Variants in COX4I1 observed in about 807,000 individuals in gnomAD.
COX4I1 encodes cytochrome c oxidase subunit 4I1.
COX4I1 carries 18 observed loss-of-function variants against 21.7 expected under a neutral mutation model. That is an observed-to-expected ratio of 0.83 (90% CI 0.57 to 1.23). COX4I1 has a LOEUF of 1.23. COX4I1 is among the 50% of genes most tolerant of loss of function. COX4I1 has a pLI of 0.00. For missense variants in COX4I1, 238 were observed against 220.7 expected, an observed-to-expected ratio of 1.08 and a Z score of -0.50; for synonymous variants, 100 against 81.5, an observed-to-expected ratio of 1.23 and a Z score of -1.23.
At position 85,805,780 on chromosome 16, in the gene COX4I1, T is replaced by C. The variant is rs562155866; in HGVS notation, c.289T>C (p.Ser97Pro). 6.2e-7 allele frequency: 1 copy of C among 1,614,242 alleles called. No homozygotes were observed. The highest frequency in any genetic ancestry group is 1.1e-5 in the South Asian group (1 of 91,084). The change falls in exon 4 of 5, where the codon TCG becomes CCG. Residue 97 changes from serine to proline, a missense_variant. Transcript: ENST00000253452. The part of the protein sequence containing the change: ...KESFAEMNRG[S>P]NEWKTVVGGA... ...GAGCTTTGCTGAGATGAACAGGGGCTCGAACGAGTGGAAGACGGTTGTGGG... is the reference window on the plus strand; with the variant it reads ...GAGCTTTGCTGAGATGAACAGGGGCCCGAACGAGTGGAAGACGGTTGTGGG...
Position 85,807,028 on chromosome 16 carries a change from TA to T in COX4I1, c.*155del. 1.4e-6 allele frequency: 1 copy of T among 727,924 alleles called. No homozygotes were observed. The highest frequency in any genetic ancestry group is 1.9e-5 in the South Asian group (1 of 51,890). 45.1% of individuals were successfully genotyped at this position (727,924 alleles called of 1,614,324 possible). ...CCCTTTGTGATCAGTTCTTTAATGA[TA>T]CCTAAATGAAAGCTAATTAAAACAA... On this transcript the variant is annotated 3_prime_UTR_variant, in exon 5 of 5. Coordinates refer to ENST00000253452, the MANE Select transcript of COX4I1 (RefSeq NM_001861.6).
rs1182331708 is a variant in COX4I1, at chr16:85,799,789, C to CGGGCCGGGTCGGG, written c.-2+46_-2+58dup. On this transcript the variant is annotated intron_variant, in intron 1 of 4. Coordinates refer to ENST00000253452, the MANE Select transcript of COX4I1 (RefSeq NM_001861.6). This position sits in a 1 kb window ranked among gnomAD's most constrained non-coding sequence, Gnocchi z 4.2. ...GGTGGCCGGTGCGGCGCCGCCAGGC[C>CGGGCCGGGTCGGG]GGGCCGGGTCGGGGGGCCGGGAGCC... The CGGGCCGGGTCGGG allele has an allele frequency of 6.5e-6, 1 of 153,162 alleles. No homozygotes were observed. The highest frequency in any genetic ancestry group is 6.5e-5 in the Admixed American group (1 of 15,304). The allele number at this position is 153,162 out of a possible 1,614,324, so 9.5% of individuals were successfully genotyped here.
Position 85,806,883 on chromosome 16 carries a change from G to A in COX4I1, c.*9G>A. On this transcript the variant is annotated 3_prime_UTR_variant, in exon 5 of 5. Transcript: ENST00000253452. ...ACGAGTGGAAGAAGTGAGAGATGCTGGCCTGCGCCTGCACCTGCGCCTGGC... is the reference window on the plus strand; with the variant it reads ...ACGAGTGGAAGAAGTGAGAGATGCTAGCCTGCGCCTGCACCTGCGCCTGGC... 1.9e-6 allele frequency: 3 copies of A among 1,609,908 alleles called. No homozygotes were observed. The highest frequency in any genetic ancestry group is 2.5e-6 in the Non-Finnish European group (3 of 1,177,446).
At position 85,807,068 on chromosome 16, in the gene COX4I1, A is replaced by C. The variant is rs1597221106; in HGVS notation, c.*194A>C. On this transcript the variant is annotated 3_prime_UTR_variant, in exon 5 of 5. Transcript: ENST00000253452. ...TAATTAAAACAATAGGTTTCTCCCA[A>C]GGGTCTGGAGTAAATATATTTTGGG... 8.4e-6 allele frequency: 5 copies of C among 593,680 alleles called. No homozygotes were observed. The East Asian group carries it at 1.5e-4, about 18-fold the overall frequency. 36.8% of individuals were successfully genotyped at this position (593,680 alleles called of 1,614,324 possible).
In COX4I1 at chr16:85,805,342, C is replaced by G. The variant is rs1312561354; in HGVS notation, c.241+238C>G. 2.6e-5 allele frequency: 14 copies of G among 541,038 alleles called. No homozygotes were observed. The East Asian group carries it at 2.8e-4, about 11-fold the overall frequency. 33.5% of individuals were successfully genotyped at this position (541,038 alleles called of 1,614,324 possible). ...CTTCTCTGTGCTGAGTGGAGGTAGC[C>G]TCTCAGCATATCTGCTGGGTAAGAC... is the stretch of plus-strand genomic sequence containing the variant. On this transcript the variant is annotated intron_variant, in intron 3 of 4. Transcript: ENST00000253452.
Position 85,805,013 on chromosome 16 carries a change from C to T in COX4I1, c.150C>T (p.Ala50=). The part of the protein sequence containing the change: ...DRRDHPLPEV[A]HVKHLSASQK... ...GTGACCACCCCTTGCCGGAGGTGGC[C>T]CATGTCAAGCACCTGTCTGCCAGCC... Residue 50 remains alanine (A), a synonymous_variant, in exon 3 of 5, where the codon GCC becomes GCT. Transcript: ENST00000253452. The T allele has an allele frequency of 6.2e-7, 1 of 1,614,118 alleles. No homozygotes were observed. The highest frequency in any genetic ancestry group is 1.1e-5 in the South Asian group (1 of 91,088).
At chr16:85,806,059 C>T (rs1234435262) in intron 4 of COX4I1, 195 bp downstream of exon 4, 10 of 708,632 alleles carry the variant, frequency 1.4e-5, no homozygotes, top group South Asian at 1.1e-4. Context: ...TATAAGCCAG[C>T]ATCTGATTAT....
chr16:85,806,982 A>C lies in COX4I1; in HGVS notation c.*108A>C. 1 of 1,213,738 alleles carries C rather than the reference A, an allele frequency of 8.2e-7. No individual in the cohort carries two copies. Among genetic ancestry groups the C allele is most frequent in the Admixed American group, 2.3e-5 (1 of 43,154 alleles). The allele number at this position is 1,213,738 out of a possible 1,614,324, so 75.2% of individuals were successfully genotyped here. On this transcript the variant is annotated 3_prime_UTR_variant, in exon 5 of 5. Transcript: ENST00000253452. ...GCCAAACAGTTGTACCACTGCTAAT[A>C]AATGACCAGTTTACCTGAAACCCTT... is the stretch of plus-strand genomic sequence containing the variant.
chr16:85,800,290 A>G (rs956598888), intron 1 of COX4I1, among the ~76,000 whole-genome samples: 1 of 152,178 alleles, frequency 6.6e-6, no homozygotes, highest in East Asian at 1.9e-4. Context: ...CACTCTCACC[A>G]GTCCTCCGAA....
In COX4I1 at chr16:85,805,719, C is replaced by G; in HGVS notation, c.242-14C>G. 6.2e-7 allele frequency: 1 copy of G among 1,613,490 alleles called. No homozygotes were observed. Among genetic ancestry groups the G allele is most frequent in the Non-Finnish European group, 8.5e-7 (1 of 1,179,406 alleles). ...ACCTTTGTGCCTGTAAATGGCTGTC[C>G]TCTCTGCCCCCAGTGTATCGCATTA... On this transcript the variant is annotated splice_polypyrimidine_tract_variant and intron_variant, in intron 3 of 4. Transcript: ENST00000253452.
At chr16:85,801,093 G>C (rs1905706019) in intron 1 of COX4I1, 112 bp from the exon 2 acceptor site, 2 of 764,568 alleles carry the variant, frequency 2.6e-6, no homozygotes. Flanking sequence ...TGGATCATTT[G>C]CGTTGGGGAG....
intron 2 of COX4I1, chr16:85,804,635 T>C (rs1471658590): frequency 4.3e-6 from 1 of 231,526 alleles, no homozygotes; most frequent in Non-Finnish European, 8.7e-6. Context: ...GGATTACAGG[T>C]GTGAGCCACC....
At chr16:85,802,685 C>A (rs2733955) in intron 2 of COX4I1, among the ~76,000 whole-genome samples, 1 of 152,072 alleles carries the variant, frequency 6.6e-6, no homozygotes, top group African/African-American at 2.4e-5. Flanking sequence ...AACAGAAATC[C>A]GTCCATGTTG....
chr16:85,806,483 C>T (rs1906210925), intron 4 of COX4I1: 1 of 707,026 alleles, frequency 1.4e-6, no homozygotes, highest in Non-Finnish European at 2.6e-6. Flanking sequence ...TTGTCAGATC[C>T]TGTTATCCAT....
intron 4 of COX4I1, chr16:85,806,370 TGCA>T: frequency 1.5e-6 from 1 of 670,448 alleles, no homozygotes; most frequent in Non-Finnish European, 2.7e-6. Context: ...CAGGCATTTT[TGCA>T]TTCTGAATAG....
rs1244853693 is a variant in COX4I1 at position 85,803,551 on chromosome 16, G to A, written c.74-1386G>A. On this transcript the variant is annotated intron_variant, in intron 2 of 4. Coordinates refer to ENST00000253452, the MANE Select transcript of COX4I1 (RefSeq NM_001861.6). Reference sequence around the variant, plus strand: ...GAGAAACAGCTTCTAACAGTGGGAAGACTCTCAGTACAACCAAGCTATTCC... The same window carrying A: ...GAGAAACAGCTTCTAACAGTGGGAAAACTCTCAGTACAACCAAGCTATTCC... 3 of 152,326 alleles carry A rather than the reference G, an allele frequency of 2.0e-5. No individual in the cohort carries two copies. The East Asian group carries it at 5.8e-4, about 29-fold the overall frequency. 9.4% of individuals were successfully genotyped at this position (152,326 alleles called of 1,614,324 possible).
Position 85,807,058 on chromosome 16 carries a change from GT to G in COX4I1, c.*187del. ...AAATGAAAGCTAATTAAAACAATAGGTTTCTCCCAAGGGTCTGGAGTAAATA... is the reference window on the plus strand; with the variant it reads ...AAATGAAAGCTAATTAAAACAATAGGTTCTCCCAAGGGTCTGGAGTAAATA... On this transcript the variant is annotated 3_prime_UTR_variant, in exon 5 of 5. Transcript: ENST00000253452. The G allele has an allele frequency of 1.5e-6, 1 of 647,118 alleles. No individual in the cohort carries two copies. The highest frequency in any genetic ancestry group is 2.1e-5 in the South Asian group (1 of 47,940). 40.1% of individuals were successfully genotyped at this position (647,118 alleles called of 1,614,324 possible).
chr16:85,806,708 T>G, intron 4 of COX4I1, 30 bp from the exon 5 acceptor site: 1 of 1,613,958 alleles, frequency 6.2e-7, no homozygotes, highest in Non-Finnish European at 8.5e-7. Flanking sequence ...GTTGAGATAG[T>G]CTTGCCCCAT....
rs1906141910 is a variant in COX4I1, at chr16:85,805,773, CA to C, written c.283del (p.Arg95GlyfsTer54). 6.2e-7 allele frequency: 1 copy of C among 1,614,114 alleles called. No homozygotes were observed. Among genetic ancestry groups the C allele is most frequent in the Non-Finnish European group, 8.5e-7 (1 of 1,180,054 alleles). On this transcript the variant is annotated frameshift_variant, in exon 4 of 5. Coordinates refer to ENST00000253452, the MANE Select transcript of COX4I1 (RefSeq NM_001861.6). LOFTEE classifies it high-confidence loss of function. ...TCAAGGAGAGCTTTGCTGAGATGAACAGGGGCTCGAACGAGTGGAAGACGGT... is the reference window on the plus strand; with the variant it reads ...TCAAGGAGAGCTTTGCTGAGATGAACGGGGCTCGAACGAGTGGAAGACGGT... ...KFKESFAEMN[R>X]GSNEWKTVVG...
Sources: allele counts gnomAD v4.1 joint callset (sites outside exome capture counted in the v4.1 genomes callset), GRCh38; gene constraint gnomAD v4.1.1; non-coding constraint Gnocchi (gnomAD v3.1); transcripts MANE v1.5; gene names NCBI Gene and HGNC (gene_info 2026-07-23, HGNC 2026-07-21).